The following AOX1 variants were observed in gnomAD, a reference collection of about 807,000 sequenced individuals.
AOX1 encodes the protein aldehyde oxidase 1, also known as aldehyde oxidase.
In AOX1, 153 loss-of-function variants were observed where a neutral mutation model predicts 169.5. The ratio of observed to expected loss-of-function variants is 0.90; its 90% CI spans 0.79 to 1.03. The LOEUF (loss-of-function observed/expected upper bound fraction) is 1.03, where lower values mean the gene tolerates loss of function less well. AOX1 is among the 50% of genes least tolerant of loss of function. AOX1 has a pLI of 0.00. For synonymous variants in AOX1, 562 were observed against 581.9 expected (o/e 0.97, Z 0.49); for missense variants, 1,656 against 1,663.9 (o/e 1.00, Z 0.08).
At chr2:200,645,061 G>A (rs953206879) in intron 25 of AOX1, among the ~76,000 whole-genome samples, 5 of 152,108 alleles carry the variant, frequency 3.3e-5, no homozygotes, top group Admixed American at 6.6e-5. Context: ...GATTGCTCTA[G>A]CTAGGATTTC....
intron 26 of AOX1, among the ~76,000 whole-genome samples, chr2:200,656,167 GGAGGACC>G (rs1314537158): frequency 1.3e-5 from 2 of 152,160 alleles, no homozygotes; most frequent in Non-Finnish European, 2.9e-5. Context: ...ATCTGTTCTA[GGAGGACC>G]ATTGCTGCTG....
chr2:200,673,427 C>T (rs1252412241), downstream of AOX1, among the ~76,000 whole-genome samples: 1 of 152,198 alleles, frequency 6.6e-6, no homozygotes, highest in Non-Finnish European at 1.5e-5. Context: ...TCTTTGCGCA[C>T]ACATCTATTC....
At chr2:200,657,190 A>ATATATATATATTT in intron 27 of AOX1, among the ~76,000 whole-genome samples, 123 of 62,852 alleles carry the variant, frequency 2.0e-3, no homozygotes, top group East Asian at 7.3e-3. Flanking sequence ...ATATATATAT[A>ATATATATATATTT]TTTTTTTTTT....
At chr2:200,668,594 C>CT (rs914848113) in intron 32 of AOX1, 21 bp from the exon 33 acceptor site, 2 of 1,579,914 alleles carry the variant, frequency 1.3e-6, no homozygotes, top group Non-Finnish European at 8.6e-7. Context: ...CGTGGAAATT[C>CT]TTTTTTTGTT....
intron 18 of AOX1, among the ~76,000 whole-genome samples, chr2:200,621,676 TTCTCTC>T (rs71405337): frequency 6.7e-6 from 1 of 149,246 alleles, no homozygotes; most frequent in African/African-American, 2.5e-5. Flanking sequence ...AGTTCATTCA[TTCTCTC>T]TCTCTCTCTC....
chr2:200,645,670 G>A (rs149653789), intron 25 of AOX1, among the ~76,000 whole-genome samples: 2,588 of 152,138 alleles, frequency 0.017, 49 homozygotes, highest in South Asian at 0.024. Context: ...TGAATGTCTG[G>A]TGGAATTCTG....
chr2:200,677,020 C>T, exon 5 of AOX1: 1 of 431,638 alleles, frequency 2.3e-6, no homozygotes, highest in South Asian at 1.7e-5. Flanking sequence ...AATGGAAGAA[C>T]AGTAAGTTTT....
At chr2:200,657,854 A>G (rs1012698219) in intron 27 of AOX1, among the ~76,000 whole-genome samples, 1 of 152,218 alleles carries the variant, frequency 6.6e-6, no homozygotes, top group South Asian at 2.1e-4. Context: ...ACCACATAGA[A>G]TAATCATTAT....
intron 10 of AOX1, among the ~76,000 whole-genome samples, chr2:200,606,967 C>T (rs1052714511): frequency 6.6e-5 from 10 of 152,104 alleles, no homozygotes; most frequent in Admixed American, 3.3e-4. Context: ...ATTTGAATAC[C>T]TGTATTTCTT....
downstream of AOX1, chr2:200,678,316 T>C (rs2036125550): frequency 6.6e-6 from 1 of 152,260 alleles, no homozygotes; most frequent in African/African-American, 2.4e-5. Flanking sequence ...CATTCTTTTA[T>C]TGAACTGTGA....
At chr2:200,665,684 G>C (rs771591603) in intron 31 of AOX1, among the ~76,000 whole-genome samples, 1 of 151,974 alleles carries the variant, frequency 6.6e-6, no homozygotes, top group African/African-American at 2.4e-5. Context: ...TGCCCCCCTC[G>C]GCCTCCCAAA....
intron 21 of AOX1, among the ~76,000 whole-genome samples, chr2:200,636,624 A>T (rs1415904312): frequency 6.6e-6 from 1 of 152,212 alleles, no homozygotes; most frequent in Non-Finnish European, 1.5e-5. Flanking sequence ...CTGGTAATGA[A>T]AACACTACTA....
intron 10 of AOX1, among the ~76,000 whole-genome samples, chr2:200,607,099 T>C (rs1266392029): frequency 6.6e-6 from 1 of 152,216 alleles, no homozygotes; most frequent in Non-Finnish European, 1.5e-5. Context: ...GCCCATTCAG[T>C]ATGATATTGG....
In AOX1 at chr2:200,613,985, A is replaced by G. The variant is rs2034698464; in HGVS notation, c.1611+19A>G. The G allele has an allele frequency of 6.2e-7, 1 of 1,609,554 alleles. No homozygotes were observed. The highest frequency in any genetic ancestry group is 8.5e-7 in the Non-Finnish European group (1 of 1,178,208). ...AAAGATGGTAAACAACTGTTTACAC[A>G]TTAACTTCCCCAGTACTGGGAGCTA... On this transcript the variant is annotated intron_variant, in intron 15 of 34. Coordinates refer to ENST00000374700, the MANE Select transcript of AOX1 (RefSeq NM_001159.4).
intron 4 of AOX1, among the ~76,000 whole-genome samples, chr2:200,597,760 T>C (rs988193645): frequency 2.0e-5 from 3 of 152,208 alleles, no homozygotes; most frequent in African/African-American, 7.2e-5. Context: ...TTTGTGGGTT[T>C]GTTTTTTGTG....
chr2:200,605,171 CT>C (rs1397125400), intron 9 of AOX1, among the ~76,000 whole-genome samples: 1 of 152,156 alleles, frequency 6.6e-6, no homozygotes, highest in African/African-American at 2.4e-5. Flanking sequence ...TCAAATTGCT[CT>C]TTGTTTCCTC....
rs1220048377 is a variant in AOX1, at chr2:200,670,718, C to T, written c.*39C>T. 1 of 1,525,938 alleles carries T rather than the reference C, an allele frequency of 6.6e-7. No homozygotes were observed. The highest frequency in any genetic ancestry group is 2.3e-5 in the East Asian group (1 of 44,344). 94.5% of individuals were successfully genotyped at this position (1,525,938 alleles called of 1,614,324 possible). ...TTCTGGAGAAAACAGAGTGCCTCTTCCCAGATGGCAATCTGTCCTATCTCT... is the reference window on the plus strand; with the variant it reads ...TTCTGGAGAAAACAGAGTGCCTCTTTCCAGATGGCAATCTGTCCTATCTCT... On this transcript the variant is annotated 3_prime_UTR_variant, in exon 35 of 35. Coordinates refer to ENST00000374700, the MANE Select transcript of AOX1 (RefSeq NM_001159.4).
chr2:200,588,479 T>G (rs1483975973), intron 1 of AOX1, among the ~76,000 whole-genome samples: 1 of 152,188 alleles, frequency 6.6e-6, no homozygotes, highest in Non-Finnish European at 1.5e-5. Context: ...AAGTTTGTGC[T>G]CTATTGATTT....
At chr2:200,662,832 A>C (rs769029372) in intron 30 of AOX1, 23 bp from the exon 31 acceptor site, 3 of 1,599,112 alleles carry the variant, frequency 1.9e-6, no homozygotes, top group Non-Finnish European at 2.6e-6. Context: ...TGATCACTTA[A>C]CAACACTCAC....
Sources: allele counts gnomAD v4.1 joint callset (sites outside exome capture counted in the v4.1 genomes callset), GRCh38; gene constraint gnomAD v4.1.1; transcripts MANE v1.5; gene names NCBI Gene and HGNC (gene_info 2026-07-23, HGNC 2026-07-21).